The following EVL variants were observed in gnomAD, a reference collection of about 807,000 sequenced individuals.
EVL encodes Enah/Vasp-like, also known as ena/VASP-like protein.
A neutral mutation model predicts 59.6 loss-of-function variants in EVL; 21 were observed. The ratio of observed to expected loss-of-function variants is 0.35; its 90% CI spans 0.25 to 0.51. The LOEUF is 0.51. Ranked by LOEUF, EVL falls within the 20% of genes least tolerant of loss-of-function variation. EVL has a pLI of 0.97. For synonymous variants in EVL, 198 were observed against 203.5 expected (o/e 0.97, Z 0.23); for missense variants, 462 against 546.6 (o/e 0.85, Z 1.54).
chr14:100,115,430 G>T (rs949871876), intron 3 of EVL, among the ~76,000 whole-genome samples: 3 of 152,230 alleles, frequency 2.0e-5, no homozygotes, highest in Non-Finnish European at 4.4e-5. Context: ...GAACTCAAGC[G>T]CTTTTCCTCT....
chr14:100,122,444 C>T (rs557612775), intron 3 of EVL, among the ~76,000 whole-genome samples: 23 of 152,284 alleles, frequency 1.5e-4, no homozygotes, highest in African/African-American at 4.3e-4. Flanking sequence ...TAAAAAGTGC[C>T]TGGACGTTGC....
chr14:100,087,585 G>C lies in EVL; in HGVS notation c.180+2730G>C, dbSNP rs115584060. Among the ~76,000 whole-genome samples the C allele has an allele frequency of 6.3e-3, 953 of 152,354 alleles. 14 individuals are homozygous for C. Among genetic ancestry groups the C allele is most frequent in the African/African-American group, 0.022 (912 of 41,580 alleles). On this transcript the variant is annotated intron_variant, in intron 2 of 13. Coordinates refer to ENST00000392920, the MANE Select transcript of EVL (RefSeq NM_016337.3). ...GCCGTGGTCGCGCCACTGCATTCCA[G>C]CCTGGGTGACAGGGCGAGATTCTGT...
At chr14:100,118,422 G>A (rs1040462086) in intron 3 of EVL, among the ~76,000 whole-genome samples, 1 of 152,186 alleles carries the variant, frequency 6.6e-6, no homozygotes, top group African/African-American at 2.4e-5. Flanking sequence ...TTTTGAAAAG[G>A]TACAATACAA....
Position 100,071,106 on chromosome 14 carries a change from G to T in EVL, c.11+5595G>T, listed in dbSNP as rs190953614. Among the ~76,000 whole-genome samples, 816 of 152,280 alleles carry T rather than the reference G, an allele frequency of 5.4e-3. 4 individuals are homozygous for T. The highest frequency in any genetic ancestry group is 8.7e-3 in the Non-Finnish European group (590 of 68,032). On this transcript the variant is annotated intron_variant, in intron 1 of 13. Coordinates refer to ENST00000392920, the MANE Select transcript of EVL (RefSeq NM_016337.3). ...ACCAGCTGTCCAGGCATCTGAGAGGGTGACATCCAAGGAGAAAAGGCAAAC... is the reference window on the plus strand; with the variant it reads ...ACCAGCTGTCCAGGCATCTGAGAGGTTGACATCCAAGGAGAAAAGGCAAAC...
chr14:100,009,713 A>G (rs2061004368), intron 1 of EVL, among the ~76,000 whole-genome samples: 1 of 152,234 alleles, frequency 6.6e-6, no homozygotes, highest in Admixed American at 6.5e-5. Context: ...ACCATGGCCT[A>G]TGACACAGTC....
At chr14:99,983,867 G>A (rs75743992) in intron 1 of EVL, among the ~76,000 whole-genome samples, 1 of 151,972 alleles carries the variant, frequency 6.6e-6, no homozygotes, top group African/African-American at 2.4e-5. Flanking sequence ...AATTACCTTT[G>A]TGATATCCCA....
At chr14:100,124,870 G>T (rs1164538920) in intron 4 of EVL, among the ~76,000 whole-genome samples, 1 of 152,326 alleles carries the variant, frequency 6.6e-6, no homozygotes, top group East Asian at 1.9e-4. Flanking sequence ...GGCGGTCGGG[G>T]TGTGAACAGC....
At chr14:100,092,584 CATT>C (rs1467961503) in intron 2 of EVL, among the ~76,000 whole-genome samples, 1 of 151,954 alleles carries the variant, frequency 6.6e-6, no homozygotes, top group East Asian at 1.9e-4. Flanking sequence ...AAAATACAAA[CATT>C]AGCCAGGTGT....
chr14:100,038,872 T>C (rs1303375517), intron 1 of EVL, among the ~76,000 whole-genome samples: 1 of 151,980 alleles, frequency 6.6e-6, no homozygotes, highest in Non-Finnish European at 1.5e-5. Context: ...GTTTGGGTTA[T>C]TGGTTACTTT....
At chr14:100,042,808 G>A (rs965681196) in intron 1 of EVL, among the ~76,000 whole-genome samples, 8 of 152,096 alleles carry the variant, frequency 5.3e-5, no homozygotes, top group Non-Finnish European at 7.4e-5. Context: ...CCCCAGTTCC[G>A]GGAATGCCTC....
At chr14:100,051,488 A>G (rs12434820) in intron 1 of EVL, among the ~76,000 whole-genome samples, 20,576 of 152,112 alleles carry the variant, frequency 0.14, 2,093 homozygotes, top group African/African-American at 0.28. Flanking sequence ...TATTTGTCTG[A>G]TATTAAAATT....
chr14:100,024,905 C>T (rs1232250793), intron 1 of EVL, among the ~76,000 whole-genome samples: 1 of 152,060 alleles, frequency 6.6e-6, no homozygotes, highest in Non-Finnish European at 1.5e-5. Context: ...TTCAGTCATT[C>T]TTGACCCCTT....
chr14:100,079,156 C>A (rs2062234350), intron 1 of EVL, among the ~76,000 whole-genome samples: 1 of 152,230 alleles, frequency 6.6e-6, no homozygotes, highest in Non-Finnish European at 1.5e-5. Context: ...CAGGGCTGAG[C>A]CTCGCTTTGC....
chr14:100,069,788 A>G (rs2062011154), intron 1 of EVL, among the ~76,000 whole-genome samples: 1 of 152,228 alleles, frequency 6.6e-6, no homozygotes, highest in African/African-American at 2.4e-5. Context: ...TTGCTTTGGT[A>G]ACTGAACCCA....
At chr14:99,971,936 C>T (rs1291866053) in exon 1 of EVL, 1 of 146,758 alleles carries the variant, frequency 6.8e-6, no homozygotes, top group Admixed American at 6.8e-5. Context: ...CAGTCAGACG[C>T]GGAGCCGCCG....
intron 2 of EVL, among the ~76,000 whole-genome samples, chr14:100,090,616 A>G (rs2062544864): frequency 6.6e-6 from 1 of 152,230 alleles, no homozygotes; most frequent in African/African-American, 2.4e-5. Context: ...GAAAAATAAG[A>G]TTTATTCCAG....
intron 1 of EVL, among the ~76,000 whole-genome samples, chr14:100,075,349 C>G (rs1401732640): frequency 6.6e-6 from 1 of 152,328 alleles, no homozygotes; most frequent in East Asian, 1.9e-4. Flanking sequence ...TGGGCTGCTC[C>G]GCTCCCATCC....
Position 100,144,125 on chromosome 14 carries a change from A to G in EVL, c.*387A>G, listed in dbSNP as rs1411088187. On this transcript the variant is annotated 3_prime_UTR_variant, in exon 14 of 14. Transcript: ENST00000392920. ...CCGGCCCAGCGTGGCGCCACCACAC[A>G]CCGCAGAGCTGTCCAGGCACAGCTC... 4.2e-5 allele frequency: 12 copies of G among 287,738 alleles called. No homozygotes were observed. The highest frequency in any genetic ancestry group is 8.0e-5 in the Non-Finnish European group (12 of 150,588). 17.8% of individuals were successfully genotyped at this position (287,738 alleles called of 1,614,324 possible).
chr14:100,088,507 G>A (rs1473207689), intron 2 of EVL, among the ~76,000 whole-genome samples: 1 of 152,164 alleles, frequency 6.6e-6, no homozygotes, highest in African/African-American at 2.4e-5. Flanking sequence ...GGTATAGCCT[G>A]TTGCTCCTAG....
Sources: allele counts gnomAD v4.1 joint callset (sites outside exome capture counted in the v4.1 genomes callset), GRCh38; gene constraint gnomAD v4.1.1; transcripts MANE v1.5; gene names NCBI Gene and HGNC (gene_info 2026-07-23, HGNC 2026-07-21).